CAMTA1: variants seen among roughly 807,000 people sequenced by gnomAD.
The protein encoded by CAMTA1 is calmodulin binding transcription activator 1.
CAMTA1 carries 27 observed loss-of-function variants against 170.9 expected under a neutral mutation model. That is an observed-to-expected ratio of 0.16 (90% CI 0.12 to 0.22). CAMTA1 has a LOEUF of 0.22. Ranked by LOEUF, CAMTA1 falls within the 10% of genes least tolerant of loss-of-function variation. The pLI, the probability that CAMTA1 is intolerant of heterozygous loss-of-function variation, is 1.00. For synonymous variants in CAMTA1, 833 were observed against 891.5 expected (o/e 0.93, Z 1.17); for missense variants, 1,619 against 2,217.2 (o/e 0.73, Z 5.42).
chr1:7,380,900 T>C (rs2087247339), intron 5 of CAMTA1, among the ~76,000 whole-genome samples: 1 of 152,154 alleles, frequency 6.6e-6, no homozygotes, highest in African/African-American at 2.4e-5. Flanking sequence ...CACGGGACAA[T>C]GAGAGCAGTG....
rs370696046 is a variant in CAMTA1, at chr1:7,249,109, C to A, written c.303-382C>A. On this transcript the variant is annotated intron_variant, in intron 4 of 22. Transcript: ENST00000303635. The surrounding 1 kb of genome is among the most constrained non-coding windows in gnomAD (Gnocchi z 4.4). ...TGGATTAAAAGATGTGTAGAAAATC[C>A]TTCCACAAGAGATAAGATATTGCAG... 9.2e-5 allele frequency among the ~76,000 whole-genome samples: 14 copies of A among 152,208 alleles called. 1 individual carries two copies. The East Asian group carries it at 2.3e-3, about 25-fold the overall frequency.
At chr1:7,689,895 T>C (rs1160899981) in intron 11 of CAMTA1, among the ~76,000 whole-genome samples, 3 of 152,064 alleles carry the variant, frequency 2.0e-5, no homozygotes, top group Non-Finnish European at 4.4e-5. Flanking sequence ...CAGTGGCTCG[T>C]GCCTGTAATC....
At chr1:7,410,356 C>T (rs906218636) in intron 5 of CAMTA1, among the ~76,000 whole-genome samples, 2 of 152,212 alleles carry the variant, frequency 1.3e-5, no homozygotes, top group Non-Finnish European at 2.9e-5. Context: ...GTGAGGGTCC[C>T]ACCCCTCACC....
At position 7,318,781 on chromosome 1, in the gene CAMTA1, T is replaced by A. The variant is rs12563063; in HGVS notation, c.438+69155T>A. Among the ~76,000 whole-genome samples, 670 of 152,334 alleles carry A rather than the reference T, an allele frequency of 4.4e-3. 6 individuals are homozygous for A. The highest frequency in any genetic ancestry group is 0.016 in the African/African-American group (653 of 41,560). On this transcript the variant is annotated intron_variant, in intron 5 of 22. Coordinates refer to ENST00000303635, the MANE Select transcript of CAMTA1 (RefSeq NM_015215.4). ...TTACCAATGAAAGCCAGCTCCCTGG[T>A]GCCACGCGTTTTACTCATTGCTGGA...
intron 5 of CAMTA1, among the ~76,000 whole-genome samples, chr1:7,457,086 A>G (rs2693955): frequency 1.5e-5 from 1 of 65,554 alleles, no homozygotes; most frequent in East Asian, 4.0e-4. Context: ...CCCCTGCGCC[A>G]ACGTGCCCCT....
intron 5 of CAMTA1, among the ~76,000 whole-genome samples, chr1:7,431,731 C>G (rs1012504929): frequency 1.3e-5 from 2 of 152,192 alleles, no homozygotes; most frequent in Non-Finnish European, 2.9e-5. Flanking sequence ...TGCTCCCTTG[C>G]CAAGTGTCTC....
intron 5 of CAMTA1, among the ~76,000 whole-genome samples, chr1:7,344,681 C>T (rs2084089762): frequency 6.6e-6 from 1 of 151,886 alleles, no homozygotes; most frequent in Non-Finnish European, 1.5e-5. Context: ...TTTCCCTGTT[C>T]ACGGGTGAGC....
At chr1:7,662,303 G>A (rs888816838) in intron 8 of CAMTA1, among the ~76,000 whole-genome samples, 4 of 152,242 alleles carry the variant, frequency 2.6e-5, no homozygotes, top group African/African-American at 9.6e-5. Context: ...TCTCCTCCAA[G>A]AACATGAAGC....
At chr1:6,834,149 GATTA>G (rs1651779915) in intron 3 of CAMTA1, among the ~76,000 whole-genome samples, 3 of 143,320 alleles carry the variant, frequency 2.1e-5, no homozygotes, top group South Asian at 4.4e-4. Flanking sequence ...GAGTTTATTT[GATTA>G]ATTTTTTTTT....
intron 4 of CAMTA1, among the ~76,000 whole-genome samples, chr1:7,166,358 G>A (rs990070596): frequency 7.9e-5 from 12 of 152,166 alleles, no homozygotes; most frequent in Admixed American, 2.6e-4. Context: ...GAGCCACCGC[G>A]TCCGGCCTAC....
chr1:7,489,468 CT>C (rs2093670240), intron 6 of CAMTA1, among the ~76,000 whole-genome samples: 1 of 152,166 alleles, frequency 6.6e-6, no homozygotes, highest in African/African-American at 2.4e-5. Context: ...CGGCGAGCCT[CT>C]GCATCTCGTT....
chr1:6,820,313 C>T (rs180680599), intron 2 of CAMTA1, 63 bp downstream of exon 2: 26 of 1,558,762 alleles, frequency 1.7e-5, no homozygotes, highest in Non-Finnish European at 2.2e-5. Context: ...CAGTAATTAT[C>T]ATCTAGTACA....
At chr1:7,461,074 C>T (rs58329292) in intron 5 of CAMTA1, among the ~76,000 whole-genome samples, 20,704 of 152,062 alleles carry the variant, frequency 0.14, 2,237 homozygotes, top group East Asian at 0.32. Context: ...GTAAACACCC[C>T]TGTCTGCCGC....
At chr1:7,655,666 C>T (rs1273603983) in intron 7 of CAMTA1, among the ~76,000 whole-genome samples, 3 of 150,870 alleles carry the variant, frequency 2.0e-5, no homozygotes, top group African/African-American at 7.3e-5. Flanking sequence ...CACACCTATG[C>T]ACACACACTG....
chr1:7,374,064 C>A (rs1037584180), intron 5 of CAMTA1, among the ~76,000 whole-genome samples: 28 of 152,204 alleles, frequency 1.8e-4, no homozygotes, highest in Admixed American at 7.2e-4. Context: ...TGCCTCCCCG[C>A]CTCACTGGCA....
At chr1:7,462,569 T>C (rs1199062462) in intron 5 of CAMTA1, among the ~76,000 whole-genome samples, 1 of 152,240 alleles carries the variant, frequency 6.6e-6, no homozygotes, top group Non-Finnish European at 1.5e-5. Flanking sequence ...TACCTATTTT[T>C]GAACAGCTGT....
Position 7,663,786 on chromosome 1 carries a change from C to T in CAMTA1, c.1239C>T (p.Ser413=), listed in dbSNP as rs1381217876. 6.2e-7 allele frequency: 1 copy of T among 1,614,020 alleles called. No homozygotes were observed. The highest frequency in any genetic ancestry group is 8.5e-7 in the Non-Finnish European group (1 of 1,180,046). ...EVTNEAVYTM[S]PTAGPNHHLL... Reference sequence around the variant, plus strand: ...CCAATGAGGCCGTGTACACCATGTCCCCCACCGCTGGCCCCAACCACCACC... The same window carrying T: ...CCAATGAGGCCGTGTACACCATGTCTCCCACCGCTGGCCCCAACCACCACC... Residue 413 remains serine, a synonymous_variant, in exon 9 of 23, where the codon TCC becomes TCT. Coordinates refer to ENST00000303635, the MANE Select transcript of CAMTA1 (RefSeq NM_015215.4).
chr1:6,796,199 G>GCAT (rs1642470793), intron 1 of CAMTA1, among the ~76,000 whole-genome samples: 1 of 146,038 alleles, frequency 6.8e-6, no homozygotes, highest in Non-Finnish European at 1.5e-5. Context: ...GAGTGCAGTG[G>GCAT]CATGATCTCT....
intron 4 of CAMTA1, among the ~76,000 whole-genome samples, chr1:7,142,645 G>A (rs1294871818): frequency 2.6e-5 from 4 of 152,184 alleles, no homozygotes; most frequent in African/African-American, 9.7e-5. Flanking sequence ...CCAGGAGCTG[G>A]TTGTTTAAAA....
Sources: allele counts gnomAD v4.1 joint callset (sites outside exome capture counted in the v4.1 genomes callset), GRCh38; gene constraint gnomAD v4.1.1; non-coding constraint Gnocchi (gnomAD v3.1); transcripts MANE v1.5; gene names NCBI Gene and HGNC (gene_info 2026-07-23, HGNC 2026-07-21).